The following CRACD variants were observed in gnomAD, a reference collection of about 807,000 sequenced individuals.
CRACD encodes capping protein-inhibiting regulator of actin dynamics.
Under a neutral mutation model 106.8 loss-of-function variants are expected in CRACD, and 56 were observed. The observed-to-expected ratio is 0.52, with a 90% CI of 0.42 to 0.66. The LOEUF is 0.66. Among genes scored for constraint, CRACD ranks in the 30% least tolerant of loss-of-function variants. CRACD has a pLI of 0.00. For missense variants in CRACD, 1,730 were observed against 1,623.2 expected (o/e 1.07, Z -1.13); for synonymous variants, 754 against 670.8 (o/e 1.12, Z -1.92).
intron 1 of CRACD, among the ~76,000 whole-genome samples, chr4:56,053,650 C>G (rs1054355990): frequency 1.3e-5 from 2 of 152,130 alleles, no homozygotes; most frequent in African/African-American, 4.8e-5. Context: ...TATGCCACTG[C>G]TCTTGCATTA....
In CRACD at chr4:56,327,649, A is replaced by G. The variant is rs1211539943; in HGVS notation, c.3547A>G (p.Ile1183Val). The G allele has an allele frequency of 1.2e-6, 2 of 1,612,744 alleles. No individual in the cohort carries two copies. Among genetic ancestry groups the G allele is most frequent in the Admixed American group, 1.7e-5 (1 of 59,626 alleles). The part of the protein sequence containing the change: ...NTLPTSVTVE[I>V]SDSAPPAPLV... ...TCCTTCAAAACAAAATCCAGTGGAG[A>G]TCTCCGACTCGGCTCCCCCAGCGCC... Residue 1183 changes from isoleucine to valine, a missense_variant, in exon 11 of 11, where the codon ATC becomes GTC. Ile to Val is a conservative substitution (Grantham distance 29). Around this residue, in one of 5 missense-constraint regions of CRACD, gnomAD observed 89 missense variants for 89.6 expected, o/e 0.99. Transcript: ENST00000682029.
At chr4:56,168,926 A>C (rs1034313640) in intron 1 of CRACD, among the ~76,000 whole-genome samples, 2 of 152,196 alleles carry the variant, frequency 1.3e-5, no homozygotes, top group African/African-American at 4.8e-5. Flanking sequence ...ACCGTTTATC[A>C]CATGGCTTCC....
chr4:56,242,805 C>A lies in CRACD; in HGVS notation c.-188-29516C>A, dbSNP rs545445990. On this transcript the variant is annotated intron_variant, in intron 2 of 10. Coordinates refer to ENST00000682029, the MANE Select transcript of CRACD (RefSeq NM_001393381.1). ...CCCCTGGAAAAACAAAACCAGAGGACCACCAGGCTCTGAGATAGCAGGCGA... is the reference window on the plus strand; with the variant it reads ...CCCCTGGAAAAACAAAACCAGAGGAACACCAGGCTCTGAGATAGCAGGCGA... Among the ~76,000 whole-genome samples the A allele has an allele frequency of 3.9e-5, 6 of 152,146 alleles. No individual in the cohort carries two copies. The South Asian group carries it at 1.2e-3, about 32-fold the overall frequency.
At chr4:56,052,838 T>G (rs1435673296) in intron 1 of CRACD, among the ~76,000 whole-genome samples, 1 of 152,216 alleles carries the variant, frequency 6.6e-6, no homozygotes, top group Non-Finnish European at 1.5e-5. Flanking sequence ...TCATAGTGAT[T>G]TCTGAAGATG....
chr4:56,228,156 ACCGTGT>A (rs1182598824), intron 2 of CRACD, among the ~76,000 whole-genome samples: 1 of 152,104 alleles, frequency 6.6e-6, no homozygotes, highest in Non-Finnish European at 1.5e-5. Flanking sequence ...CATTTCAGGG[ACCGTGT>A]CCTCATATGA....
chr4:56,133,118 C>A (rs1349769719), intron 1 of CRACD, among the ~76,000 whole-genome samples: 3 of 152,156 alleles, frequency 2.0e-5, no homozygotes, highest in Admixed American at 6.5e-5. Flanking sequence ...TGGTTGGATC[C>A]TGTCACCCAG....
At chr4:56,183,452 G>C (rs952212732) in intron 2 of CRACD, among the ~76,000 whole-genome samples, 3 of 152,180 alleles carry the variant, frequency 2.0e-5, no homozygotes, top group Non-Finnish European at 4.4e-5. Flanking sequence ...CTTGAGGACT[G>C]CACGCGAGAA....
chr4:56,160,442 C>A (rs1286887573), intron 1 of CRACD, among the ~76,000 whole-genome samples: 1 of 152,142 alleles, frequency 6.6e-6, no homozygotes, highest in East Asian at 1.9e-4. Flanking sequence ...CCTCAGCCTC[C>A]CAAAATGCTG....
At chr4:56,057,804 T>TG (rs1354572220) in intron 1 of CRACD, among the ~76,000 whole-genome samples, 1 of 107,210 alleles carries the variant, frequency 9.3e-6, no homozygotes, top group Admixed American at 8.7e-5. Flanking sequence ...TTTGTATTTT[T>TG]TTTTTTTTTG....
In CRACD at chr4:56,310,638, T is replaced by G. The variant is rs747907885; in HGVS notation, c.286-28T>G. 50 of 1,550,448 alleles carry G rather than the reference T, an allele frequency of 3.2e-5. No homozygotes were observed. The South Asian group carries it at 5.4e-4, about 17-fold the overall frequency. On this transcript the variant is annotated intron_variant, in intron 5 of 10. Transcript: ENST00000682029. ...GCCCAGAACTTCCTGTTCAGGCCTTTGACTTGAATGCTCTCTTACTGTTCC... is the reference window on the plus strand; with the variant it reads ...GCCCAGAACTTCCTGTTCAGGCCTTGGACTTGAATGCTCTCTTACTGTTCC...
chr4:56,161,061 T>A (rs542531946), intron 1 of CRACD, among the ~76,000 whole-genome samples: 1 of 152,292 alleles, frequency 6.6e-6, no homozygotes, highest in Admixed American at 6.5e-5. Flanking sequence ...TTTGTAGTTT[T>A]AAAAAAACTC....
intron 1 of CRACD, among the ~76,000 whole-genome samples, chr4:56,134,157 C>T (rs1377714815): frequency 1.3e-5 from 2 of 151,956 alleles, no homozygotes; most frequent in East Asian, 3.9e-4. Flanking sequence ...GCCGAGATTC[C>T]CACCACTGTA....
intron 1 of CRACD, among the ~76,000 whole-genome samples, chr4:56,160,574 G>A (rs547542598): frequency 2.0e-5 from 3 of 152,216 alleles, no homozygotes; most frequent in South Asian, 4.1e-4. Context: ...GATGCTGCAT[G>A]ATGGATCATT....
chr4:56,167,582 G>A (rs951020413), intron 1 of CRACD, among the ~76,000 whole-genome samples: 2 of 152,170 alleles, frequency 1.3e-5, no homozygotes, highest in African/African-American at 2.4e-5. Context: ...TTTGGATCAT[G>A]TTAGATTCCA....
At chr4:56,064,676 TA>T (rs1307518831) in intron 1 of CRACD, among the ~76,000 whole-genome samples, 1 of 152,192 alleles carries the variant, frequency 6.6e-6, no homozygotes, top group Non-Finnish European at 1.5e-5. Flanking sequence ...CACCTATTGT[TA>T]AAAAAATACT....
At chr4:56,060,653 G>A (rs568021990) in intron 1 of CRACD, among the ~76,000 whole-genome samples, 74 of 152,052 alleles carry the variant, frequency 4.9e-4, no homozygotes, top group Non-Finnish European at 1.0e-3. Context: ...AAGACTAAAG[G>A]GTGCCGCAAT....
At chr4:56,148,510 T>G (rs2109886967) in intron 1 of CRACD, among the ~76,000 whole-genome samples, 1 of 152,228 alleles carries the variant, frequency 6.6e-6, no homozygotes, top group Admixed American at 6.5e-5. Flanking sequence ...CCTAGGCTGG[T>G]CTTGAACTCC....
rs1396993820 is a variant in CRACD at position 56,327,795 on chromosome 4, T to G, written c.3693T>G (p.Ile1231Met). ...AGGCTTGGAGCGACTGTCCACAGAT[T>G]ATTAAGTAAAGAGTGACTCTCACCC... Reference protein sequence around the residue: ...KAKAWSDCPQIIK With the variant: ...KAKAWSDCPQMIK Residue 1231 changes from isoleucine to methionine, a missense_variant, in exon 11 of 11, where the codon ATT becomes ATG. This residue lies in a region of CRACD where 15 missense variants were observed against 16.1 expected (regional missense o/e 0.93). Transcript: ENST00000682029. The G allele has an allele frequency of 6.2e-7, 1 of 1,613,982 alleles. No individual in the cohort carries two copies. The highest frequency in any genetic ancestry group is 8.5e-7 in the Non-Finnish European group (1 of 1,179,926).
At chr4:56,214,652 A>ACTCTCTCTCTCTCTCT (rs572003455) in intron 2 of CRACD, among the ~76,000 whole-genome samples, 9 of 101,868 alleles carry the variant, frequency 8.8e-5, no homozygotes, top group East Asian at 6.2e-4. Flanking sequence ...AGAGCTAGAC[A>ACTCTCTCTCTCTCTCT]CTCTCTCTCT....
Sources: allele counts gnomAD v4.1 joint callset (sites outside exome capture counted in the v4.1 genomes callset), GRCh38; gene constraint gnomAD v4.1.1; regional missense constraint gnomAD v4.1.1; transcripts MANE v1.5; gene names NCBI Gene and HGNC (gene_info 2026-07-23, HGNC 2026-07-21).